The following EPHA6 variants were observed in gnomAD, a reference collection of about 807,000 sequenced individuals.
The protein encoded by EPHA6 is EPH receptor A6, also known as ephrin type-A receptor 6.
EPHA6 carries 50 observed loss-of-function variants against 112.0 expected under a neutral mutation model. That is an observed-to-expected ratio of 0.45 (90% CI 0.36 to 0.56). The LOEUF is 0.56. EPHA6 is among the 20% of genes least tolerant of loss of function. The pLI, the probability that EPHA6 is intolerant of heterozygous loss-of-function variation, is 0.00. For missense variants in EPHA6, 1,280 were observed against 1,417.4 expected (o/e 0.90, Z 1.56); for synonymous variants, 529 against 490.7 (o/e 1.08, Z -1.03).
At chr3:97,027,094 A>G (rs1215575633) in intron 3 of EPHA6, among the ~76,000 whole-genome samples, 1 of 152,214 alleles carries the variant, frequency 6.6e-6, no homozygotes, top group Non-Finnish European at 1.5e-5. Flanking sequence ...TACACCATGG[A>G]ATACAACGTA....
At chr3:97,228,776 T>C (rs2078436760) in intron 4 of EPHA6, among the ~76,000 whole-genome samples, 1 of 152,172 alleles carries the variant, frequency 6.6e-6, no homozygotes, top group Admixed American at 6.5e-5. Flanking sequence ...GTTCTCCTTT[T>C]AGTTCTTTAA....
At chr3:97,467,475 A>G (rs2091093389) in intron 7 of EPHA6, among the ~76,000 whole-genome samples, 1 of 151,866 alleles carries the variant, frequency 6.6e-6, no homozygotes, top group Admixed American at 6.6e-5. Flanking sequence ...TATGCTCACC[A>G]ATGTGCAAAT....
intron 5 of EPHA6, among the ~76,000 whole-genome samples, chr3:97,283,650 A>C (rs11927847): frequency 6.6e-6 from 1 of 152,092 alleles, no homozygotes; most frequent in South Asian, 2.1e-4. Context: ...ATAAATATGT[A>C]ATGCATTAGG....
chr3:96,848,473 GA>G (rs2035205274), intron 1 of EPHA6, among the ~76,000 whole-genome samples: 1 of 151,648 alleles, frequency 6.6e-6, no homozygotes, highest in African/African-American at 2.4e-5. Context: ...CTAAAAATAC[GA>G]AAATTAGCTG....
chr3:97,167,800 G>T (rs2076578841), intron 3 of EPHA6, among the ~76,000 whole-genome samples: 1 of 151,798 alleles, frequency 6.6e-6, no homozygotes, highest in East Asian at 1.9e-4. Flanking sequence ...AATTATAATG[G>T]ATAATAGGTT....
At chr3:97,541,557 G>C (rs984048878) in intron 11 of EPHA6, among the ~76,000 whole-genome samples, 2 of 152,010 alleles carry the variant, frequency 1.3e-5, no homozygotes, top group Non-Finnish European at 2.9e-5. Flanking sequence ...CCAGGATCCA[G>C]TCCAGGATCC....
At chr3:97,159,461 T>C (rs1215544902) in intron 3 of EPHA6, among the ~76,000 whole-genome samples, 1 of 152,180 alleles carries the variant, frequency 6.6e-6, no homozygotes, top group African/African-American at 2.4e-5. Flanking sequence ...ATTTTCCTGC[T>C]GGGTCACTGG....
At chr3:97,630,725 G>A (rs1375059182) in intron 13 of EPHA6, among the ~76,000 whole-genome samples, 1 of 152,022 alleles carries the variant, frequency 6.6e-6, no homozygotes, top group Non-Finnish European at 1.5e-5. Context: ...AAGAGGCCTG[G>A]AAGTTTCCTT....
At chr3:97,198,895 A>G (rs927532040) in intron 3 of EPHA6, among the ~76,000 whole-genome samples, 2 of 152,132 alleles carry the variant, frequency 1.3e-5, no homozygotes, top group African/African-American at 2.4e-5. Flanking sequence ...ATTGCCTTCC[A>G]TGATGATGAC....
intron 12 of EPHA6, among the ~76,000 whole-genome samples, chr3:97,605,560 G>T (rs972138497): frequency 1.3e-5 from 2 of 151,228 alleles, no homozygotes; most frequent in Admixed American, 1.3e-4. Context: ...CAGATGGTTA[G>T]GGTGTGTGGC....
At chr3:97,382,373 T>C (rs900511806) in intron 5 of EPHA6, among the ~76,000 whole-genome samples, 2 of 152,096 alleles carry the variant, frequency 1.3e-5, no homozygotes, top group Non-Finnish European at 2.9e-5. Context: ...CCTGCTTAGA[T>C]GAATAAAACA....
intron 3 of EPHA6, among the ~76,000 whole-genome samples, chr3:97,154,361 AAATAAT>A (rs1282704768): frequency 6.6e-6 from 1 of 152,252 alleles, no homozygotes; most frequent in Non-Finnish European, 1.5e-5. Flanking sequence ...TTAAATTGGC[AAATAAT>A]AATTATATAT....
Position 96,987,458 on chromosome 3 carries a change from A to G in EPHA6, c.579A>G (p.Lys193=), listed in dbSNP as rs745551875. The stretch of plus-strand genomic sequence containing the variant: ...GGATCTCCCGTGATGCAGCTCAGAA[A>G]ATTTATGTGGAAATGAAATTCACAC... ...TNWISRDAAQ[K]IYVEMKFTLR... is the part of the protein sequence containing the mutation. The change falls in exon 3 of 18, where the codon AAA becomes AAG. Residue 193 remains lysine (K), a synonymous_variant. Coordinates refer to ENST00000389672, the MANE Select transcript of EPHA6 (RefSeq NM_001080448.3). 2.5e-6 allele frequency: 4 copies of G among 1,613,956 alleles called. No individual in the cohort carries two copies. In the South Asian group the frequency reaches 4.4e-5, roughly 18 times the overall value.
At chr3:97,084,332 A>AAC (rs532027070) in intron 3 of EPHA6, among the ~76,000 whole-genome samples, 42 of 150,448 alleles carry the variant, frequency 2.8e-4, no homozygotes, top group East Asian at 2.0e-4. Context: ...TAGCCCTTAT[A>AAC]ACACACACAC....
intron 11 of EPHA6, among the ~76,000 whole-genome samples, chr3:97,582,190 C>G (rs192350291): frequency 2.6e-5 from 4 of 152,014 alleles, no homozygotes; most frequent in African/African-American, 9.6e-5. Flanking sequence ...CCACCACACC[C>G]GGATAATTTT....
Position 97,600,435 on chromosome 3 carries a change from C to T in EPHA6, c.2512+7698C>T, listed in dbSNP as rs561944416. Among the ~76,000 whole-genome samples, 484 of 151,226 alleles carry T rather than the reference C, an allele frequency of 3.2e-3. 3 individuals are homozygous for T. Among genetic ancestry groups the T allele is most frequent in the African/African-American group, 0.011 (458 of 41,206 alleles). On this transcript the variant is annotated intron_variant, in intron 12 of 17. Coordinates refer to ENST00000389672, the MANE Select transcript of EPHA6 (RefSeq NM_001080448.3). ...AGATAGCTCTTATTATTTTGAAATA[C>T]GTCCCATCAATACCTAATTTATTGA...
At chr3:97,051,532 G>T (rs533288928) in intron 3 of EPHA6, among the ~76,000 whole-genome samples, 1 of 152,050 alleles carries the variant, frequency 6.6e-6, no homozygotes, top group Non-Finnish European at 1.5e-5. Context: ...GAATAACCTG[G>T]AATACTTTTT....
Position 97,332,797 on chromosome 3 carries a change from C to A in EPHA6, c.1607-72353C>A, listed in dbSNP as rs558152963. On this transcript the variant is annotated intron_variant, in intron 5 of 17. Coordinates refer to ENST00000389672, the MANE Select transcript of EPHA6 (RefSeq NM_001080448.3). ...ATCTGTGTGGATCTATTTCTGGATTCTCTATTCTGTTTCATTGATTTATAC... is the reference window on the plus strand; with the variant it reads ...ATCTGTGTGGATCTATTTCTGGATTATCTATTCTGTTTCATTGATTTATAC... 5.3e-5 allele frequency among the ~76,000 whole-genome samples: 8 copies of A among 151,932 alleles called. No individual in the cohort carries two copies. The East Asian group carries it at 1.6e-3, about 30-fold the overall frequency.
chr3:97,167,057 C>T (rs1215361545), intron 3 of EPHA6, among the ~76,000 whole-genome samples: 1 of 152,068 alleles, frequency 6.6e-6, no homozygotes, highest in Non-Finnish European at 1.5e-5. Context: ...CCAGAGGCAC[C>T]ATTCATATTC....
Sources: gnomAD v4.1 joint callset for allele counts (sites outside exome capture counted in the v4.1 genomes callset) on GRCh38, gnomAD v4.1.1 for gene constraint, MANE v1.5 for transcripts, NCBI Gene and HGNC (gene_info 2026-07-23, HGNC 2026-07-21) for gene names.